The following DENND1A variants were observed in gnomAD, a reference collection of about 807,000 sequenced individuals.
DENND1A encodes DENN domain containing 1A.
In DENND1A, 51 loss-of-function variants were observed where a neutral mutation model predicts 113.7. The observed-to-expected ratio is 0.45, with a 90% confidence interval of 0.36 to 0.57. The LOEUF (loss-of-function observed/expected upper bound fraction) is 0.57. DENND1A is among the 20% of genes least tolerant of loss of function. The pLI is 0.00. For missense variants in DENND1A, 1,258 were observed against 1,395.9 expected, an observed-to-expected ratio of 0.90 and a Z score of 1.57; for synonymous variants, 565 against 570.8, an observed-to-expected ratio of 0.99 and a Z score of 0.14.
chr9:123,463,254 T>G (rs1169442193), intron 13 of DENND1A, among the ~76,000 whole-genome samples: 1 of 152,196 alleles, frequency 6.6e-6, no homozygotes, highest in Non-Finnish European at 1.5e-5. Flanking sequence ...TGTCGAGAAC[T>G]TTGTTACAAA....
intron 13 of DENND1A, among the ~76,000 whole-genome samples, chr9:123,556,667 G>A (rs1358879861): frequency 1.3e-5 from 2 of 152,212 alleles, no homozygotes; most frequent in Non-Finnish European, 2.9e-5. Flanking sequence ...GTGTGACAGC[G>A]TCACTCACCC....
At chr9:123,876,932 TC>T (rs1300409440) in intron 2 of DENND1A, among the ~76,000 whole-genome samples, 1 of 152,164 alleles carries the variant, frequency 6.6e-6, no homozygotes, top group Non-Finnish European at 1.5e-5. Flanking sequence ...TGGAGGCCAT[TC>T]TTTTAAGTGA....
At chr9:123,509,534 T>G (rs1269171371) in intron 13 of DENND1A, among the ~76,000 whole-genome samples, 1 of 152,212 alleles carries the variant, frequency 6.6e-6, no homozygotes, top group Non-Finnish European at 1.5e-5. Flanking sequence ...GAGCCTTCTC[T>G]CTGGGTCACA....
intron 4 of DENND1A, among the ~76,000 whole-genome samples, chr9:123,761,030 TGAAAA>T (rs1452620417): frequency 6.6e-6 from 1 of 152,148 alleles, no homozygotes; most frequent in Non-Finnish European, 1.5e-5. Flanking sequence ...TAGGACTCGA[TGAAAA>T]GAAAACACCC....
intron 2 of DENND1A, among the ~76,000 whole-genome samples, chr9:123,854,930 T>C (rs939258508): frequency 1.8e-4 from 27 of 150,802 alleles, no homozygotes; most frequent in Non-Finnish European, 1.5e-4. Flanking sequence ...AATGAACCGA[T>C]CCTTCATATA....
intron 1 of DENND1A, among the ~76,000 whole-genome samples, chr9:123,887,916 G>C (rs192235660): frequency 6.6e-6 from 1 of 152,156 alleles, no homozygotes; most frequent in African/African-American, 2.4e-5. Flanking sequence ...ATTAGAATGT[G>C]CTCAAGGTTT....
intron 11 of DENND1A, among the ~76,000 whole-genome samples, chr9:123,599,420 A>G (rs1176497640): frequency 6.6e-6 from 1 of 152,254 alleles, no homozygotes; most frequent in Admixed American, 6.5e-5. Flanking sequence ...CTCTTTGTAC[A>G]AAACGACTGT....
At chr9:123,825,841 C>T (rs1338045632) in intron 2 of DENND1A, among the ~76,000 whole-genome samples, 1 of 152,228 alleles carries the variant, frequency 6.6e-6, no homozygotes, top group Non-Finnish European at 1.5e-5. Context: ...ACTTACAGTG[C>T]CCTTCTCTGT....
At chr9:123,863,424 T>C (rs904023935) in intron 2 of DENND1A, among the ~76,000 whole-genome samples, 1 of 152,210 alleles carries the variant, frequency 6.6e-6, no homozygotes, top group African/African-American at 2.4e-5. Flanking sequence ...TAAAGGTATG[T>C]TTTGGAGAAA....
chr9:123,401,836 T>C (rs2043490107), intron 21 of DENND1A: 2 of 1,614,114 alleles, frequency 1.2e-6, no homozygotes. Flanking sequence ...GTCCAGCCTC[T>C]CGTCGGGAAC....
intron 5 of DENND1A, among the ~76,000 whole-genome samples, chr9:123,726,136 T>A (rs2067690567): frequency 6.6e-6 from 1 of 152,184 alleles, no homozygotes; most frequent in South Asian, 2.1e-4. Flanking sequence ...TCTCAAATAT[T>A]TGTTGAATAA....
At chr9:123,652,199 A>C (rs568255049) in intron 8 of DENND1A, 76 bp from the exon 9 acceptor site, 1 of 1,227,212 alleles carries the variant, frequency 8.1e-7, no homozygotes, top group South Asian at 1.3e-5. Context: ...TAAGAGCATA[A>C]GAAACATAAA....
At chr9:123,586,527 G>A (rs1045145428) in intron 11 of DENND1A, among the ~76,000 whole-genome samples, 8 of 152,138 alleles carry the variant, frequency 5.3e-5, no homozygotes, top group African/African-American at 9.7e-5. Flanking sequence ...AAAATGCCCC[G>A]AGCACCAGGC....
At chr9:123,915,989 A>C (rs902489580) in intron 1 of DENND1A, among the ~76,000 whole-genome samples, 1 of 152,184 alleles carries the variant, frequency 6.6e-6, no homozygotes, top group Non-Finnish European at 1.5e-5. Context: ...ATCTAGCAAA[A>C]TTACATACAA....
intron 13 of DENND1A, among the ~76,000 whole-genome samples, chr9:123,458,634 G>A (rs750795613): frequency 4.7e-4 from 71 of 152,208 alleles, no homozygotes; most frequent in Middle Eastern, 3.4e-3. Context: ...TTTTAGCAGC[G>A]GAACCCTTTA....
chr9:123,917,309 C>G (rs1190978312), intron 1 of DENND1A, among the ~76,000 whole-genome samples: 1 of 151,904 alleles, frequency 6.6e-6, no homozygotes, highest in Non-Finnish European at 1.5e-5. Context: ...TGAAATATAC[C>G]CTAACGACCA....
intron 19 of DENND1A, among the ~76,000 whole-genome samples, chr9:123,434,163 A>T (rs929203190): frequency 5.3e-5 from 8 of 152,284 alleles, no homozygotes; most frequent in African/African-American, 1.9e-4. Flanking sequence ...AGAAGCTGGG[A>T]CTACAGGCGC....
At position 123,420,553 on chromosome 9, in the gene DENND1A, ACT is replaced by A. The variant is rs567635917; in HGVS notation, c.1489-8726_1489-8725del. Among the ~76,000 whole-genome samples the A allele has an allele frequency of 2.8e-3, 418 of 151,130 alleles. 10 individuals carry two copies. The highest frequency in any genetic ancestry group is 0.026 in the Admixed American group (390 of 15,218). On this transcript the variant is annotated intron_variant, in intron 19 of 23. Transcript: ENST00000394215. Reference sequence around the variant, plus strand: ...CAGGGGCTCGCCAGTCCTGTCAACGACTCTCTCCGGCTGGGTCCGGGCACTCT... The same window carrying A: ...CAGGGGCTCGCCAGTCCTGTCAACGACTCTCCGGCTGGGTCCGGGCACTCT...
chr9:123,520,986 C>A (rs2772214), intron 13 of DENND1A, among the ~76,000 whole-genome samples: 137,976 of 152,216 alleles, frequency 0.91, 62,664 homozygotes, highest in Admixed American at 0.94. Flanking sequence ...AAACTACATT[C>A]AAATAAAAAG....
Sources: allele counts gnomAD v4.1 joint callset (sites outside exome capture counted in the v4.1 genomes callset), GRCh38; gene constraint gnomAD v4.1.1; transcripts MANE v1.5; gene names NCBI Gene and HGNC (gene_info 2026-07-23, HGNC 2026-07-21).